Variants in SIPA1L3 observed in about 807,000 individuals in gnomAD.
The protein encoded by SIPA1L3 is signal induced proliferation associated 1 like 3.
SIPA1L3 carries 59 observed loss-of-function variants against 150.1 expected under a neutral mutation model. The observed-to-expected ratio is 0.39, with a 90% CI of 0.32 to 0.49. The LOEUF (loss-of-function observed/expected upper bound fraction) is 0.49, where lower values mean the gene tolerates loss of function less well. Ranked by LOEUF, SIPA1L3 falls within the 20% of genes least tolerant of loss-of-function variation. The pLI, the probability that SIPA1L3 is intolerant of heterozygous loss-of-function variation, is 0.86. For missense variants in SIPA1L3, 2,211 were observed against 2,489.5 expected (o/e 0.89, Z 2.38); for synonymous variants, 1,070 against 1,077.6 (o/e 0.99, Z 0.14).
rs751382223 is a variant in SIPA1L3 at position 38,071,444 on chromosome 19, G to A, written c.-310-9812G>A. 1.6e-4 allele frequency among the ~76,000 whole-genome samples: 25 copies of A among 152,116 alleles called. 1 individual carries two copies. Among genetic ancestry groups the A allele is most frequent in the Non-Finnish European group, 3.2e-4 (22 of 68,010 alleles). ...TGGGACCACAGGCATGCACCACCAT[G>A]CCTCGCTAATTTTTTCATATTTTTA... On this transcript the variant is annotated intron_variant, in intron 2 of 21. Transcript: ENST00000222345.
chr19:37,980,102 C>T (rs79450633), intron 1 of SIPA1L3, among the ~76,000 whole-genome samples: 2,696 of 152,306 alleles, frequency 0.018, 47 homozygotes, highest in Middle Eastern at 0.058. Context: ...GACCCTCTCC[C>T]CATCACTCCC....
chr19:37,948,796 T>C (rs551969603), intron 1 of SIPA1L3, among the ~76,000 whole-genome samples: 2 of 152,236 alleles, frequency 1.3e-5, no homozygotes, highest in African/African-American at 4.8e-5. Flanking sequence ...GCTACTGTTT[T>C]ATTAGAAGTG....
intron 10 of SIPA1L3, among the ~76,000 whole-genome samples, chr19:38,138,953 TG>T (rs1473631739): frequency 4.1e-5 from 6 of 145,620 alleles, no homozygotes; most frequent in Non-Finnish European, 7.5e-5. Flanking sequence ...CCCAACACTT[TG>T]GGAGGCCGAG....
At chr19:38,083,168 T>A in intron 3 of SIPA1L3, 69 bp downstream of exon 3, 1 of 1,400,374 alleles carries the variant, frequency 7.1e-7, no homozygotes, top group South Asian at 1.3e-5. Context: ...CCACTACTCA[T>A]TCATTCACTC....
At chr19:37,915,377 G>T (rs958257677) in intron 1 of SIPA1L3, among the ~76,000 whole-genome samples, 2 of 151,656 alleles carry the variant, frequency 1.3e-5, no homozygotes, top group East Asian at 1.9e-4. Context: ...GTTTTTTTTT[G>T]TTTGTTTGTT....
intron 16 of SIPA1L3, among the ~76,000 whole-genome samples, chr19:38,191,629 A>G (rs1972805689): frequency 6.6e-6 from 1 of 152,064 alleles, no homozygotes; most frequent in South Asian, 2.1e-4. Flanking sequence ...CCTGGCCAAC[A>G]TGGAGAAACC....
intron 18 of SIPA1L3, among the ~76,000 whole-genome samples, chr19:38,196,965 G>A (rs1411916567): frequency 1.3e-5 from 2 of 152,168 alleles, no homozygotes; most frequent in African/African-American, 2.4e-5. Flanking sequence ...ACATCCCTGG[G>A]TTAAAAGAAT....
intron 3 of SIPA1L3, among the ~76,000 whole-genome samples, chr19:38,085,210 G>A (rs1228043378): frequency 2.6e-5 from 4 of 152,044 alleles, no homozygotes; most frequent in South Asian, 4.1e-4. Context: ...GGCCGGGCAC[G>A]GTGGCTCACG....
At chr19:38,091,338 A>G (rs1464742485) in intron 4 of SIPA1L3, among the ~76,000 whole-genome samples, 1 of 152,098 alleles carries the variant, frequency 6.6e-6, no homozygotes, top group Non-Finnish European at 1.5e-5. Flanking sequence ...GTGAGCCAAG[A>G]TCACACCACT....
intron 13 of SIPA1L3, among the ~76,000 whole-genome samples, chr19:38,162,027 G>A (rs1972100281): frequency 6.6e-6 from 1 of 152,228 alleles, no homozygotes; most frequent in African/African-American, 2.4e-5. Context: ...GGGTGACAGG[G>A]AGAGAGGGAA....
chr19:37,967,556 A>G (rs1159282709), intron 1 of SIPA1L3, among the ~76,000 whole-genome samples: 1 of 151,734 alleles, frequency 6.6e-6, no homozygotes, highest in Non-Finnish European at 1.5e-5. Context: ...CCGGCTGGAA[A>G]TTTCCCCTTC....
chr19:37,998,936 C>CT lies in SIPA1L3; in HGVS notation c.-378-30145dup, dbSNP rs540336363. Among the ~76,000 whole-genome samples, 24 of 151,714 alleles carry CT rather than the reference C, an allele frequency of 1.6e-4. No individual in the cohort carries two copies. The East Asian group carries it at 2.7e-3, about 17-fold the overall frequency. ...GGAGTTCATTGTACCTTACTCCCTA[C>CT]TTTTTTTTAGCATGTTAACAGAACA... On this transcript the variant is annotated intron_variant, in intron 1 of 21. Transcript: ENST00000222345.
At chr19:38,089,965 A>G (rs1040490647) in intron 4 of SIPA1L3, among the ~76,000 whole-genome samples, 22 of 152,000 alleles carry the variant, frequency 1.4e-4, no homozygotes, top group African/African-American at 5.3e-4. Context: ...TGCCACTAAC[A>G]AGCTCTCACC....
chr19:38,056,828 C>T (rs1413424639), intron 2 of SIPA1L3, among the ~76,000 whole-genome samples: 4 of 152,044 alleles, frequency 2.6e-5, no homozygotes, highest in South Asian at 2.1e-4. Flanking sequence ...CTTTGGGAGG[C>T]GGGTGGATCA....
At chr19:38,177,951 C>T (rs1047421185) in intron 15 of SIPA1L3, among the ~76,000 whole-genome samples, 23 of 151,974 alleles carry the variant, frequency 1.5e-4, no homozygotes, top group African/African-American at 4.3e-4. Flanking sequence ...GCTTGAACCC[C>T]GGAGGCGCAG....
rs1970040619 is a variant in SIPA1L3, at chr19:38,082,934, G to A, written c.1369G>A (p.Gly457Ser). Residue 457 changes from glycine to serine, a missense_variant, in exon 3 of 22, where the codon GGC (glycine) becomes AGC (serine). Transcript: ENST00000222345. ...ASVGSPSSGE[G>S]HLAEPALSAY... is the part of the protein sequence containing the mutation. The stretch of plus-strand genomic sequence containing the variant: ...CGTGGGCTCCCCGAGCAGCGGCGAG[G>A]GCCACCTGGCAGAGCCCGCCCTGAG... The A allele has an allele frequency of 6.2e-7, 1 of 1,613,096 alleles. No individual in the cohort carries two copies. Among genetic ancestry groups the A allele is most frequent in the Non-Finnish European group, 8.5e-7 (1 of 1,179,894 alleles).
In SIPA1L3 at chr19:38,046,427, G is replaced by A. The variant is rs920129483; in HGVS notation, c.-311+17271G>A. ...GCACAAAGCTTCAAGGTCGGGGGCCGTGGGGTGGTGGTGGAGTCTTTGACC... is the reference window on the plus strand; with the variant it reads ...GCACAAAGCTTCAAGGTCGGGGGCCATGGGGTGGTGGTGGAGTCTTTGACC... On this transcript the variant is annotated intron_variant, in intron 2 of 21. Coordinates refer to ENST00000222345, the MANE Select transcript of SIPA1L3 (RefSeq NM_015073.3). The surrounding 1 kb of genome is among the most constrained non-coding windows in gnomAD (Gnocchi z 5.6). Among the ~76,000 whole-genome samples, 2 of 152,156 alleles carry A rather than the reference G, an allele frequency of 1.3e-5. No individual in the cohort carries two copies. The highest frequency in any genetic ancestry group is 4.8e-5 in the African/African-American group (2 of 41,422).
intron 2 of SIPA1L3, among the ~76,000 whole-genome samples, chr19:38,041,479 A>G (rs1968920534): frequency 6.6e-6 from 1 of 151,310 alleles, no homozygotes; most frequent in South Asian, 2.1e-4. Flanking sequence ...TGGTTTCACC[A>G]TGTCGGCCAG....
rs559098483 is a variant in SIPA1L3 at position 38,168,634 on chromosome 19, G to A, written c.4208+3728G>A. ...CTTAGCGAACCCGAACAACTGGGAG[G>A]ATTTGAAATCCGAGACATAAAGACA... is the stretch of plus-strand genomic sequence containing the variant. On this transcript the variant is annotated intron_variant, in intron 15 of 21. Transcript: ENST00000222345. 2.6e-5 allele frequency among the ~76,000 whole-genome samples: 4 copies of A among 152,194 alleles called. No homozygotes were observed. The East Asian group carries it at 5.8e-4, about 22-fold the overall frequency.
Sources: gnomAD v4.1 joint callset for allele counts (sites outside exome capture counted in the v4.1 genomes callset) on GRCh38, gnomAD v4.1.1 for gene constraint, Gnocchi (gnomAD v3.1) non-coding constraint, MANE v1.5 for transcripts, NCBI Gene and HGNC (gene_info 2026-07-23, HGNC 2026-07-21) for gene names.